Variants in PDGFD observed in about 807,000 individuals in gnomAD.
PDGFD encodes platelet-derived growth factor D.
In PDGFD, 30 loss-of-function variants were observed where a neutral mutation model predicts 44.7. The observed-to-expected ratio is 0.67, with a 90% CI of 0.50 to 0.91. PDGFD has a LOEUF of 0.91. PDGFD is among the 40% of genes least tolerant of loss of function. PDGFD has a pLI of 0.00. For missense variants in PDGFD, 445 were observed against 457.8 expected (o/e 0.97, Z 0.25); for synonymous variants, 173 against 168.4 (o/e 1.03, Z -0.21).
chr11:104,073,575 A>T (rs1037092011), intron 1 of PDGFD, among the ~76,000 whole-genome samples: 8 of 152,176 alleles, frequency 5.3e-5, no homozygotes, highest in Non-Finnish European at 7.4e-5. Flanking sequence ...GTTTGTCCTC[A>T]TACATTTTCC....
intron 1 of PDGFD, among the ~76,000 whole-genome samples, chr11:104,048,513 G>A (rs1237283721): frequency 6.6e-6 from 1 of 152,082 alleles, no homozygotes; most frequent in Non-Finnish European, 1.5e-5. Context: ...TGTCTTAACA[G>A]AAACCAACCT....
chr11:103,985,585 G>T (rs998663710), intron 3 of PDGFD, among the ~76,000 whole-genome samples: 3 of 151,740 alleles, frequency 2.0e-5, no homozygotes, highest in African/African-American at 7.3e-5. Context: ...CATGAGAAAT[G>T]TAACAGCCAG....
At chr11:104,115,935 T>C (rs1221378464) in intron 1 of PDGFD, among the ~76,000 whole-genome samples, 1 of 152,112 alleles carries the variant, frequency 6.6e-6, no homozygotes, top group East Asian at 1.9e-4. Flanking sequence ...ATTCTGGATA[T>C]TAGTCCTATG....
intron 1 of PDGFD, chr11:104,038,493 T>C (rs564120653): frequency 1.1e-5 from 2 of 176,296 alleles, no homozygotes; most frequent in Non-Finnish European, 2.7e-5. Flanking sequence ...GGAAGGGTAT[T>C]AGAAATGGTA....
chr11:104,071,594 G>A (rs994098788), intron 1 of PDGFD, among the ~76,000 whole-genome samples: 1 of 151,576 alleles, frequency 6.6e-6, no homozygotes, highest in African/African-American at 2.4e-5. Context: ...TCTCCTAGTT[G>A]TTTTTTGTCA....
intron 1 of PDGFD, among the ~76,000 whole-genome samples, chr11:104,136,151 C>T (rs1255247988): frequency 6.6e-6 from 1 of 152,112 alleles, no homozygotes; most frequent in Non-Finnish European, 1.5e-5. Context: ...CATTGGGCAC[C>T]ACTCAGCTTG....
intron 1 of PDGFD, among the ~76,000 whole-genome samples, chr11:104,041,913 C>G (rs911274496): frequency 1.3e-5 from 2 of 152,184 alleles, no homozygotes; most frequent in African/African-American, 4.8e-5. Flanking sequence ...CATTGTGCTT[C>G]TTTCAGAATG....
chr11:104,121,923 T>C (rs1329178665), intron 1 of PDGFD, among the ~76,000 whole-genome samples: 3 of 152,096 alleles, frequency 2.0e-5, no homozygotes, highest in African/African-American at 2.4e-5. Flanking sequence ...AATTTCATAG[T>C]TGAAACTGAT....
intron 1 of PDGFD, among the ~76,000 whole-genome samples, chr11:104,107,295 C>T (rs1021193753): frequency 2.0e-5 from 3 of 152,072 alleles, no homozygotes; most frequent in African/African-American, 7.2e-5. Context: ...AAGAAGCAAA[C>T]TGCCATGTTA....
intron 6 of PDGFD, among the ~76,000 whole-genome samples, chr11:103,925,125 G>T (rs1858285618): frequency 1.3e-5 from 2 of 152,188 alleles, no homozygotes; most frequent in Admixed American, 1.3e-4. Flanking sequence ...CTCTGCAAAG[G>T]ACGTGAACTC....
At chr11:103,993,079 G>A (rs893650953) in intron 3 of PDGFD, among the ~76,000 whole-genome samples, 4 of 151,880 alleles carry the variant, frequency 2.6e-5, no homozygotes, top group African/African-American at 9.7e-5. Context: ...TTGTTTGTTT[G>A]TTTGTTTTTA....
At chr11:104,070,420 C>T (rs904162867) in intron 1 of PDGFD, among the ~76,000 whole-genome samples, 3 of 152,134 alleles carry the variant, frequency 2.0e-5, no homozygotes, top group Non-Finnish European at 2.9e-5. Context: ...AACTGAGAAA[C>T]CCACCTCCTG....
chr11:103,925,716 C>CACATATATAT (rs1198529368), intron 6 of PDGFD, among the ~76,000 whole-genome samples: 94 of 122,772 alleles, frequency 7.7e-4, no homozygotes, highest in African/African-American at 3.0e-3. Flanking sequence ...CACACACACA[C>CACATATATAT]ATATATATAT....
At chr11:104,027,545 G>A (rs1301327581) in intron 1 of PDGFD, among the ~76,000 whole-genome samples, 4 of 152,266 alleles carry the variant, frequency 2.6e-5, no homozygotes, top group South Asian at 2.1e-4. Context: ...AATGAGGCTC[G>A]GATAAATTAA....
intron 1 of PDGFD, among the ~76,000 whole-genome samples, chr11:104,057,005 G>A (rs1860628724): frequency 6.6e-6 from 1 of 152,112 alleles, no homozygotes; most frequent in South Asian, 2.1e-4. Context: ...GTGCATGCCT[G>A]CAGTCCCAGC....
chr11:104,018,517 A>G (rs1179505133), intron 1 of PDGFD, among the ~76,000 whole-genome samples: 1 of 152,200 alleles, frequency 6.6e-6, no homozygotes, highest in Non-Finnish European at 1.5e-5. Flanking sequence ...CAAACCCTGC[A>G]GTCGAACCCA....
intron 6 of PDGFD, among the ~76,000 whole-genome samples, chr11:103,910,738 C>G (rs1195493075): frequency 8.8e-6 from 1 of 113,730 alleles, no homozygotes; most frequent in Non-Finnish European, 1.9e-5. Context: ...GCCTGGAATG[C>G]CAGCAAGACA....
chr11:103,976,858 T>C (rs1319220179), intron 3 of PDGFD, among the ~76,000 whole-genome samples: 1 of 151,978 alleles, frequency 6.6e-6, no homozygotes, highest in Non-Finnish European at 1.5e-5. Flanking sequence ...GTTTATTGAT[T>C]TGAGTAAGTT....
intron 1 of PDGFD, among the ~76,000 whole-genome samples, chr11:104,104,957 G>A (rs183401513): frequency 2.4e-4 from 36 of 152,220 alleles, no homozygotes; most frequent in African/African-American, 8.4e-4. Flanking sequence ...TCACCAATAA[G>A]GACTTTGTTC....
Sources: gnomAD v4.1 joint callset for allele counts (sites outside exome capture counted in the v4.1 genomes callset) on GRCh38, gnomAD v4.1.1 for gene constraint, MANE v1.5 for transcripts, NCBI Gene and HGNC (gene_info 2026-07-23, HGNC 2026-07-21) for gene names.